ADAM23: variants seen among roughly 807,000 people sequenced by gnomAD.
ADAM23 encodes the protein disintegrin and metalloproteinase domain-containing protein 23.
ADAM23 carries 33 observed loss-of-function variants against 120.1 expected under a neutral mutation model. The ratio of observed to expected loss-of-function variants is 0.27; its 90% CI spans 0.21 to 0.37. ADAM23 has a LOEUF of 0.37. ADAM23 is among the 10% of genes least tolerant of loss of function. The probability of loss-of-function intolerance (pLI) is 1.00; values close to 1 mark genes in which losing one functional copy is unlikely to be tolerated. For synonymous variants in ADAM23, 367 were observed against 375.2 expected (o/e 0.98, Z 0.25); for missense variants, 862 against 1,058.2 (o/e 0.81, Z 2.57).
chr2:206,444,907 T>G (rs1347887611), intron 1 of ADAM23, among the ~76,000 whole-genome samples: 1 of 152,202 alleles, frequency 6.6e-6, no homozygotes, highest in Non-Finnish European at 1.5e-5. Context: ...AGTAGAGTTG[T>G]GCTTCTGTGG....
At chr2:206,450,684 G>A (rs1281189775) in intron 2 of ADAM23, among the ~76,000 whole-genome samples, 1 of 152,154 alleles carries the variant, frequency 6.6e-6, no homozygotes, top group Non-Finnish European at 1.5e-5. Flanking sequence ...CTTAGATAAT[G>A]TCTCTCACTG....
rs150562467 is a variant in ADAM23 at position 206,537,155 on chromosome 2, G to A, written c.574-4897G>A. ...AAAGATCCCTGCCCTTATGGGTCCTGTGTTCTCTTCTCACCTTTATTCTTT... is the reference window on the plus strand; with the variant it reads ...AAAGATCCCTGCCCTTATGGGTCCTATGTTCTCTTCTCACCTTTATTCTTT... On this transcript the variant is annotated intron_variant, in intron 4 of 25. Transcript: ENST00000264377. Among the ~76,000 whole-genome samples the A allele has an allele frequency of 4.6e-3, 701 of 152,192 alleles. 16 individuals carry two copies. The highest frequency in any genetic ancestry group is 3.7e-3 in the South Asian group (18 of 4,814).
intron 3 of ADAM23, among the ~76,000 whole-genome samples, chr2:206,509,400 A>G (rs1468664554): frequency 6.6e-6 from 1 of 152,168 alleles, no homozygotes; most frequent in Non-Finnish European, 1.5e-5. Flanking sequence ...CAAAATTTGA[A>G]TACAATATTA....
intron 2 of ADAM23, among the ~76,000 whole-genome samples, chr2:206,471,622 T>C (rs1436789860): frequency 6.6e-6 from 1 of 152,238 alleles, no homozygotes; most frequent in Admixed American, 6.5e-5. Flanking sequence ...TTATTTAAAT[T>C]ATTTAGTGGG....
At position 206,572,859 on chromosome 2, in the gene ADAM23, G is replaced by A. The variant is rs1000588336; in HGVS notation, c.1657-256G>A. On this transcript the variant is annotated intron_variant, in intron 17 of 25. Coordinates refer to ENST00000264377, the MANE Select transcript of ADAM23 (RefSeq NM_003812.4). ...GGTGATTTCCGTCACATTGTTTTCTGAAAATAGTACTCTGAAACAGTGGGT... is the reference window on the plus strand; with the variant it reads ...GGTGATTTCCGTCACATTGTTTTCTAAAAATAGTACTCTGAAACAGTGGGT... Among the ~76,000 whole-genome samples, 49 of 152,106 alleles carry A rather than the reference G, an allele frequency of 3.2e-4. 1 individual carries two copies.
At chr2:206,565,558 C>T (rs1408275894) in intron 14 of ADAM23, among the ~76,000 whole-genome samples, 3 of 152,160 alleles carry the variant, frequency 2.0e-5, no homozygotes, top group African/African-American at 4.8e-5. Flanking sequence ...TAGTGATAGA[C>T]ATTTGAACAT....
chr2:206,603,302 T>G (rs1043123081), intron 24 of ADAM23, among the ~76,000 whole-genome samples: 5 of 152,192 alleles, frequency 3.3e-5, no homozygotes, highest in Admixed American at 2.6e-4. Flanking sequence ...CTCAGTTAAT[T>G]TATGTCAAGG....
intron 6 of ADAM23, among the ~76,000 whole-genome samples, chr2:206,543,917 G>A (rs1697344894): frequency 6.6e-6 from 1 of 152,150 alleles, no homozygotes; most frequent in South Asian, 2.1e-4. Flanking sequence ...ATTCATATGT[G>A]GAAGCTAAGC....
chr2:206,551,140 T>C (rs1182216281), intron 9 of ADAM23, among the ~76,000 whole-genome samples: 1 of 152,226 alleles, frequency 6.6e-6, no homozygotes, highest in Non-Finnish European at 1.5e-5. Flanking sequence ...TATATACTAG[T>C]ACACCCAATA....
intron 23 of ADAM23, 53 bp downstream of exon 23, chr2:206,594,958 A>G (rs966270908): frequency 6.3e-7 from 1 of 1,594,286 alleles, no homozygotes; most frequent in East Asian, 2.2e-5. Flanking sequence ...GCATGGTCAC[A>G]GTGACTGGAC....
rs752934422 is a variant in ADAM23 at position 206,543,272 on chromosome 2, A to C, written c.676A>C (p.Thr226Pro). Residue 226 changes from threonine (T) to proline (P), a missense_variant, in exon 6 of 26, where the codon ACC becomes CCC. Around this residue, in one of 4 missense-constraint regions of ADAM23, gnomAD observed 617 missense variants for 813.5 expected, o/e 0.76. Transcript: ENST00000264377. The stretch of plus-strand genomic sequence containing the variant: ...TGCTAGTGGCATGTTTGAAGATGAT[A>C]CCTTCGTGTATATGATAGAGCCACT... ...NGLHGMFEDD[T>P]FVYMIEPLEL... 2 of 1,613,944 alleles carry C rather than the reference A, an allele frequency of 1.2e-6. No homozygotes were observed. Among genetic ancestry groups the C allele is most frequent in the Non-Finnish European group, 1.7e-6 (2 of 1,179,936 alleles).
At chr2:206,566,906 CTT>C (rs766408170) in intron 14 of ADAM23, among the ~76,000 whole-genome samples, 4 of 151,506 alleles carry the variant, frequency 2.6e-5, no homozygotes, top group Non-Finnish European at 5.9e-5. Context: ...AATTAACAAA[CTT>C]TAAAATACAG....
At chr2:206,552,471 A>G (rs1409450136) in intron 9 of ADAM23, among the ~76,000 whole-genome samples, 1 of 152,114 alleles carries the variant, frequency 6.6e-6, no homozygotes, top group Non-Finnish European at 1.5e-5. Context: ...ACCCTTCTCA[A>G]TGGTAAACAT....
intron 24 of ADAM23, chr2:206,605,959 C>G (rs989843689): frequency 2.0e-5 from 12 of 593,400 alleles, no homozygotes; most frequent in Admixed American, 3.3e-5. Context: ...GACTCCATGT[C>G]TCGTCCTGTT....
chr2:206,557,449 A>G lies in ADAM23; in HGVS notation c.956A>G (p.His319Arg). 6.2e-7 allele frequency: 1 copy of G among 1,613,798 alleles called. No individual in the cohort carries two copies. The highest frequency in any genetic ancestry group is 8.5e-7 in the Non-Finnish European group (1 of 1,179,720). ...HKTYKKHRSS[H>R]AHTNNFAKSV... ...TAGTATAAGAAGCATCGCTCTTCTC[A>G]TGCACATACCAACAACTTTGCAAAG... Residue 319 changes from histidine (H) to arginine (R), a missense_variant, in exon 10 of 26, where the codon CAT becomes CGT. Physicochemically the swap from His to Arg is conservative, Grantham distance 29 (BLOSUM62 0). This residue lies in a region of ADAM23 where 617 missense variants were observed against 813.5 expected (regional missense o/e 0.76). Transcript: ENST00000264377.
chr2:206,519,332 CTTG>C (rs1559245264), intron 3 of ADAM23, among the ~76,000 whole-genome samples: 1 of 152,050 alleles, frequency 6.6e-6, no homozygotes, highest in African/African-American at 2.4e-5. Context: ...GGTATCTTAG[CTTG>C]TTATTATTTT....
chr2:206,465,027 C>G (rs1405008434), intron 2 of ADAM23, among the ~76,000 whole-genome samples: 1 of 151,918 alleles, frequency 6.6e-6, no homozygotes, highest in Non-Finnish European at 1.5e-5. Context: ...TTTTTCTGCC[C>G]TAAGTACTAC....
chr2:206,485,874 G>T (rs1696001813), intron 3 of ADAM23, among the ~76,000 whole-genome samples: 1 of 152,174 alleles, frequency 6.6e-6, no homozygotes, highest in South Asian at 2.1e-4. Context: ...ATCTGAGGAG[G>T]GAACCTGAGC....
At chr2:206,507,551 A>C (rs995681264) in intron 3 of ADAM23, among the ~76,000 whole-genome samples, 2 of 152,202 alleles carry the variant, frequency 1.3e-5, no homozygotes, top group Admixed American at 6.5e-5. Context: ...AGCCTACAGA[A>C]CTGTGAACCA....
Sources: gnomAD v4.1 joint callset for allele counts (sites outside exome capture counted in the v4.1 genomes callset) on GRCh38, gnomAD v4.1.1 for gene constraint, gnomAD v4.1.1 regional missense constraint, MANE v1.5 for transcripts, NCBI Gene and HGNC (gene_info 2026-07-23, HGNC 2026-07-21) for gene names.